Variants in PRPSAP2 observed in about 807,000 individuals in gnomAD.
The protein encoded by PRPSAP2 is phosphoribosyl pyrophosphate synthase-associated protein 2.
In PRPSAP2, 24 loss-of-function variants were observed where a neutral mutation model predicts 40.6. The observed-to-expected ratio is 0.59, with a 90% CI of 0.43 to 0.83. The LOEUF (loss-of-function observed/expected upper bound fraction) is 0.83. Among genes scored for constraint, PRPSAP2 ranks in the 40% least tolerant of loss-of-function variants. The pLI is 0.00. For synonymous variants in PRPSAP2, 149 were observed against 164.7 expected (o/e 0.90, Z 0.73); for missense variants, 292 against 465.6 (o/e 0.63, Z 3.43).
intron 8 of PRPSAP2, among the ~76,000 whole-genome samples, chr17:18,898,637 T>C (rs757135759): frequency 2.0e-5 from 3 of 152,230 alleles, no homozygotes; most frequent in Non-Finnish European, 4.4e-5. Flanking sequence ...TGGTTTCTGA[T>C]GAGAAGTTGG....
intron 4 of PRPSAP2, among the ~76,000 whole-genome samples, chr17:18,869,543 C>T (rs1328456578): frequency 6.6e-6 from 1 of 150,894 alleles, no homozygotes; most frequent in Non-Finnish European, 1.5e-5. Flanking sequence ...TGCTCTGTCA[C>T]CCAGGCTGGA....
At chr17:18,856,795 C>T (rs561384247), upstream of PRPSAP2, among the ~76,000 whole-genome samples, 33 of 152,350 alleles carry the variant, frequency 2.2e-4, no homozygotes, top group Non-Finnish European at 1.5e-4. Flanking sequence ...GTCGTCGTCT[C>T]AGTTCCCACA....
At chr17:18,872,134 G>A (rs1455090085) in intron 4 of PRPSAP2, among the ~76,000 whole-genome samples, 1 of 152,108 alleles carries the variant, frequency 6.6e-6, no homozygotes. Context: ...TTAGCTGGAT[G>A]TGGTGGCGGG....
At chr17:18,872,530 G>T in intron 4 of PRPSAP2, 53 bp from the exon 5 acceptor site, 2 of 1,389,790 alleles carry the variant, frequency 1.4e-6, no homozygotes, top group African/African-American at 1.4e-5. Flanking sequence ...TGTGTATTTT[G>T]AAAAATTTGA....
chr17:18,886,427 C>T (rs890297657), intron 7 of PRPSAP2, among the ~76,000 whole-genome samples: 1 of 151,856 alleles, frequency 6.6e-6, no homozygotes, highest in African/African-American at 2.4e-5. Context: ...GCAATCTCAG[C>T]TTACTGCAAG....
rs375962759 is a variant in PRPSAP2, at chr17:18,891,386, C to T, written c.584+1509C>T. On this transcript the variant is annotated intron_variant, in intron 8 of 11. Coordinates refer to ENST00000268835, the MANE Select transcript of PRPSAP2 (RefSeq NM_002767.4). The stretch of plus-strand genomic sequence containing the variant: ...TTGTGGCTGACTTTCCCAACCCAGC[C>T]GGGCCTGTGTTCACCCATGTGTCCT... Among the ~76,000 whole-genome samples the T allele has an allele frequency of 1.5e-3, 236 of 152,296 alleles. 2 individuals are homozygous for T. Among genetic ancestry groups the T allele is most frequent in the African/African-American group, 5.4e-3 (226 of 41,566 alleles).
chr17:18,863,395 C>A (rs2037184437), intron 1 of PRPSAP2, among the ~76,000 whole-genome samples: 1 of 151,834 alleles, frequency 6.6e-6, no homozygotes, highest in Non-Finnish European at 1.5e-5. Context: ...CTGGCCATAC[C>A]TTTTGTTCTT....
At chr17:18,909,495 T>C (rs546205423) in intron 8 of PRPSAP2, among the ~76,000 whole-genome samples, 3 of 152,022 alleles carry the variant, frequency 2.0e-5, no homozygotes, top group East Asian at 3.9e-4. Flanking sequence ...CCGCCCACCT[T>C]GGCCTCCCAA....
intron 6 of PRPSAP2, among the ~76,000 whole-genome samples, chr17:18,881,842 ATTT>A (rs368088976): frequency 3.0e-5 from 4 of 131,718 alleles, no homozygotes; most frequent in African/African-American, 2.9e-5. Flanking sequence ...CATGAGAGCA[ATTT>A]TTTTTTTTTT....
chr17:18,866,008 G>A, intron 3 of PRPSAP2, 56 bp downstream of exon 3: 1 of 1,225,696 alleles, frequency 8.2e-7, no homozygotes, highest in Non-Finnish European at 1.1e-6. Context: ...CTTTAAATTT[G>A]ATAATCAGAT....
chr17:18,910,192 G>A (rs1374417046), intron 8 of PRPSAP2, among the ~76,000 whole-genome samples: 1 of 152,126 alleles, frequency 6.6e-6, no homozygotes, highest in Non-Finnish European at 1.5e-5. Context: ...GGTCGAGGTG[G>A]GTGGATCATT....
At chr17:18,878,935 C>T (rs2038511357) in intron 6 of PRPSAP2, among the ~76,000 whole-genome samples, 1 of 150,502 alleles carries the variant, frequency 6.6e-6, no homozygotes, top group Admixed American at 6.6e-5. Flanking sequence ...AGTGGTGGCA[C>T]CTCGGCTCAC....
chr17:18,920,000 G>A (rs1478630974), intron 9 of PRPSAP2, among the ~76,000 whole-genome samples: 1 of 152,162 alleles, frequency 6.6e-6, no homozygotes, highest in Non-Finnish European at 1.5e-5. Context: ...ATTTCTCACA[G>A]CCTCACGTGC....
intron 8 of PRPSAP2, among the ~76,000 whole-genome samples, chr17:18,902,114 T>C (rs986323946): frequency 2.0e-5 from 3 of 152,104 alleles, no homozygotes; most frequent in African/African-American, 7.2e-5. Flanking sequence ...TCCCACTAAA[T>C]ACCAGAAGAA....
At chr17:18,924,993 AC>A (rs1357673496) in intron 10 of PRPSAP2, among the ~76,000 whole-genome samples, 1 of 151,828 alleles carries the variant, frequency 6.6e-6, no homozygotes, top group East Asian at 1.9e-4. Flanking sequence ...GTTGGCGCAC[AC>A]CTGTAATCCC....
chr17:18,889,869 G>A lies in PRPSAP2; in HGVS notation c.576G>A (p.Ser192=), dbSNP rs752954335. The change falls in exon 8 of 12, where the codon TCG becomes TCA. Residue 192 remains serine, a synonymous_variant. Coordinates refer to ENST00000268835, the MANE Select transcript of PRPSAP2 (RefSeq NM_002767.4). ...NAVIVAKSPA[S]AKRAQSFAER... The stretch of plus-strand genomic sequence containing the variant: ...TAATCGTGGCCAAGTCTCCAGCCTC[G>A]GCGAAGAGGTAGGTGGGAATCTCAC... 17 of 1,610,974 alleles carry A rather than the reference G, an allele frequency of 1.1e-5. No individual in the cohort carries two copies. The highest frequency in any genetic ancestry group is 2.2e-5 in the South Asian group (2 of 90,358).
At position 18,909,403 on chromosome 17, in the gene PRPSAP2, G is replaced by A. The variant is rs150942733; in HGVS notation, c.585-1700G>A. Among the ~76,000 whole-genome samples the A allele has an allele frequency of 3.2e-3, 489 of 151,944 alleles. 2 individuals are homozygous for A. The highest frequency in any genetic ancestry group is 0.011 in the African/African-American group (473 of 41,454). On this transcript the variant is annotated intron_variant, in intron 8 of 11. Transcript: ENST00000268835. ...ATTACAGGTGCCTGCCACCCAGTCC[G>A]GCTAATTTTTTTGTATTTTTTTAGT... is the stretch of plus-strand genomic sequence containing the variant.
intron 3 of PRPSAP2, among the ~76,000 whole-genome samples, chr17:18,867,070 C>T (rs997866838): frequency 2.4e-4 from 36 of 151,756 alleles, no homozygotes; most frequent in Admixed American, 7.9e-4. Flanking sequence ...GCAGGCAGAG[C>T]GGGACTGCAT....
chr17:18,859,454 C>T (rs772704068), intron 1 of PRPSAP2: 3 of 152,192 alleles, frequency 2.0e-5, no homozygotes, highest in Non-Finnish European at 4.4e-5. Context: ...ATTTTTGCTG[C>T]TTAGAGGCTT....
Sources: allele counts gnomAD v4.1 joint callset (sites outside exome capture counted in the v4.1 genomes callset), GRCh38; gene constraint gnomAD v4.1.1; transcripts MANE v1.5; gene names NCBI Gene and HGNC (gene_info 2026-07-23, HGNC 2026-07-21).